The following PTPRN2 variants were observed in gnomAD, a reference collection of about 807,000 sequenced individuals.
The protein encoded by PTPRN2 is protein tyrosine phosphatase receptor type N2.
A neutral mutation model predicts 118.8 loss-of-function variants in PTPRN2; 74 were observed. The ratio of observed to expected loss-of-function variants is 0.62; its 90% CI spans 0.52 to 0.76. PTPRN2 has a LOEUF of 0.76. Among genes scored for constraint, PTPRN2 ranks in the 30% least tolerant of loss-of-function variants. The probability of loss-of-function intolerance (pLI) is 0.00; values close to 1 mark genes in which losing one functional copy is unlikely to be tolerated. For synonymous variants in PTPRN2, 641 were observed against 608.0 expected (o/e 1.05, Z -0.80); for missense variants, 1,481 against 1,394.4 (o/e 1.06, Z -0.99).
Position 158,570,583 on chromosome 7 carries a change from G to A in PTPRN2, c.112+16975C>T, listed in dbSNP as rs1224369060. On this transcript the variant is annotated intron_variant, in intron 1 of 22. Coordinates refer to ENST00000389418, the MANE Select transcript of PTPRN2 (RefSeq NM_002847.5). This position sits in a 1 kb window ranked among gnomAD's most constrained non-coding sequence, Gnocchi z 4.5. ...TCTCCCTGTGTCCTCCGTGCCCCCC[G>A]AGTGGCCTGCTAGCCCGCTCTCCCA... Among the ~76,000 whole-genome samples the A allele has an allele frequency of 1.3e-5, 2 of 152,132 alleles. No individual in the cohort carries two copies. Among genetic ancestry groups the A allele is most frequent in the African/African-American group, 2.4e-5 (1 of 41,420 alleles).
At chr7:158,385,084 C>T (rs1014415980) in intron 2 of PTPRN2, among the ~76,000 whole-genome samples, 8 of 152,134 alleles carry the variant, frequency 5.3e-5, no homozygotes, top group Non-Finnish European at 8.8e-5. Flanking sequence ...TTAAATTTTC[C>T]GTTCCACACT....
Position 158,489,775 on chromosome 7 carries a change from G to A in PTPRN2, c.123C>T (p.Leu41=), listed in dbSNP as rs868865922. The A allele has an allele frequency of 1.3e-6, 2 of 1,580,144 alleles. No homozygotes were observed. Among genetic ancestry groups the A allele is most frequent in the East Asian group, 2.3e-5 (1 of 43,106 alleles). The change falls in exon 2 of 23, where the codon CTC becomes CTT. Residue 41 remains leucine (L), a synonymous_variant. Coordinates refer to ENST00000389418, the MANE Select transcript of PTPRN2 (RefSeq NM_002847.5). ...CGGACGCTCCGCAGAGGCCCTCCTC[G>A]AGCAGGCAGCCTGCGGGGAAACAGA... is the stretch of plus-strand genomic sequence containing the variant. ...RQLPGRLGCL[L]EEGLCGASEA...
At chr7:158,303,816 A>C (rs530877401) in intron 3 of PTPRN2, among the ~76,000 whole-genome samples, 1 of 152,376 alleles carries the variant, frequency 6.6e-6, no homozygotes, top group African/African-American at 2.4e-5. Context: ...AGTTATTTTA[A>C]TATAACGTCA....
chr7:157,955,809 G>A (rs1256507496), intron 11 of PTPRN2, among the ~76,000 whole-genome samples: 7 of 152,200 alleles, frequency 4.6e-5, no homozygotes, highest in Non-Finnish European at 7.3e-5. Context: ...GTGTGGAACA[G>A]TTTGCACCCA....
chr7:158,011,902 T>C (rs1263388842), intron 11 of PTPRN2, among the ~76,000 whole-genome samples: 3 of 152,258 alleles, frequency 2.0e-5, no homozygotes, highest in Non-Finnish European at 4.4e-5. Context: ...AGGTGCTTTT[T>C]CCCCACAGTT....
intron 2 of PTPRN2, among the ~76,000 whole-genome samples, chr7:158,343,337 A>T (rs1421911320): frequency 6.6e-6 from 1 of 152,188 alleles, no homozygotes; most frequent in East Asian, 1.9e-4. Flanking sequence ...GCAAATCAAA[A>T]CCACAGTGAG....
intron 15 of PTPRN2, among the ~76,000 whole-genome samples, chr7:157,606,681 A>C (rs1433310482): frequency 6.6e-6 from 1 of 152,260 alleles, no homozygotes; most frequent in Non-Finnish European, 1.5e-5. Flanking sequence ...CGCTGGCACC[A>C]GAAGGAAGTG....
chr7:158,474,296 CT>C (rs1820082045), intron 2 of PTPRN2, among the ~76,000 whole-genome samples: 1 of 152,230 alleles, frequency 6.6e-6, no homozygotes, highest in Non-Finnish European at 1.5e-5. Context: ...CCCAGGACCT[CT>C]GGAAAACACT....
chr7:158,152,787 CA>C (rs1480521530), intron 6 of PTPRN2, among the ~76,000 whole-genome samples: 13 of 151,840 alleles, frequency 8.6e-5, no homozygotes, highest in Admixed American at 2.0e-4. Context: ...AGCAGACCAA[CA>C]GACACCAGCA....
Position 158,517,180 on chromosome 7 carries a change from G to A in PTPRN2, c.113-27395C>T, listed in dbSNP as rs191249691. Among the ~76,000 whole-genome samples, 4 of 152,316 alleles carry A rather than the reference G, an allele frequency of 2.6e-5. No homozygotes were observed. Among genetic ancestry groups the A allele is most frequent in the Admixed American group, 2.6e-4 (4 of 15,300 alleles). On this transcript the variant is annotated intron_variant, in intron 1 of 22. Transcript: ENST00000389418. The surrounding 1 kb of genome is among the most constrained non-coding windows in gnomAD (Gnocchi z 5.3). Reference sequence around the variant, plus strand: ...ACAGTGTGGTCCTCACTGAAGACAGGGCGGGTGGCATTGACCCCCATTCCT... The same window carrying A: ...ACAGTGTGGTCCTCACTGAAGACAGAGCGGGTGGCATTGACCCCCATTCCT...
chr7:158,104,613 A>G (rs1260181708), intron 10 of PTPRN2, among the ~76,000 whole-genome samples: 2 of 152,098 alleles, frequency 1.3e-5, no homozygotes, highest in Non-Finnish European at 2.9e-5. Context: ...ACAACCACCC[A>G]TGATCACAAC....
intron 3 of PTPRN2, among the ~76,000 whole-genome samples, chr7:158,282,572 G>A (rs1429118260): frequency 6.6e-6 from 1 of 152,260 alleles, no homozygotes; most frequent in Non-Finnish European, 1.5e-5. Context: ...GTTGAGTTCT[G>A]AAGGAGACAG....
intron 9 of PTPRN2, among the ~76,000 whole-genome samples, chr7:158,133,263 C>T (rs2150437236): frequency 6.6e-6 from 1 of 152,360 alleles, no homozygotes; most frequent in Non-Finnish European, 1.5e-5. Flanking sequence ...GCGTCCCATC[C>T]CGCATTCCCG....
intron 12 of PTPRN2, among the ~76,000 whole-genome samples, chr7:157,847,591 C>T (rs1280925014): frequency 5.1e-4 from 51 of 100,746 alleles, no homozygotes; most frequent in East Asian, 9.7e-4. Context: ...CTCCATCATG[C>T]GTGCCCGATG....
intron 5 of PTPRN2, among the ~76,000 whole-genome samples, chr7:158,188,306 ATGGGGAAGGCCGCCACG>A (rs1563576956): frequency 3.3e-4 from 15 of 45,158 alleles, no homozygotes; most frequent in East Asian, 1.1e-3. Context: ...CGCCCCCTGT[ATGGGGAAGGCCGCCACG>A]CTCGCCCCCT....
chr7:158,527,356 A>G (rs56385914), intron 1 of PTPRN2, among the ~76,000 whole-genome samples: 6,186 of 152,190 alleles, frequency 0.041, 435 homozygotes, highest in African/African-American at 0.14. Flanking sequence ...CCCTGAAGAC[A>G]GGGCCAGCCT....
At chr7:158,043,104 G>A (rs572749014) in intron 11 of PTPRN2, among the ~76,000 whole-genome samples, 16 of 152,172 alleles carry the variant, frequency 1.1e-4, no homozygotes, top group African/African-American at 3.1e-4. Context: ...CCAGCTACTC[G>A]GGAGGCTAAG....
At chr7:157,928,592 C>A (rs1288269609) in intron 11 of PTPRN2, among the ~76,000 whole-genome samples, 1 of 151,682 alleles carries the variant, frequency 6.6e-6, no homozygotes, top group East Asian at 1.9e-4. Context: ...CGTGTCTCAG[C>A]GTCACTACCA....
rs368043051 is a variant in PTPRN2 at position 158,279,987 on chromosome 7, G to A, written c.277+36832C>T. On this transcript the variant is annotated intron_variant, in intron 3 of 22. Transcript: ENST00000389418. The stretch of plus-strand genomic sequence containing the variant: ...GTGCACTTAATCCAGAGCCCCGGAC[G>A]GCCCCCACGCCCCACCGCTGCCCCC... Among the ~76,000 whole-genome samples, 109 of 151,752 alleles carry A rather than the reference G, an allele frequency of 7.2e-4. 1 individual carries two copies. Among genetic ancestry groups the A allele is most frequent in the East Asian group, 5.8e-3 (30 of 5,146 alleles).
Sources: allele counts gnomAD v4.1 joint callset (sites outside exome capture counted in the v4.1 genomes callset), GRCh38; gene constraint gnomAD v4.1.1; non-coding constraint Gnocchi (gnomAD v3.1); transcripts MANE v1.5; gene names NCBI Gene and HGNC (gene_info 2026-07-23, HGNC 2026-07-21).